Variants in CACNA2D1 observed in about 807,000 individuals in gnomAD.
The protein encoded by CACNA2D1 is voltage-dependent calcium channel subunit alpha-2/delta-1.
In CACNA2D1, 53 loss-of-function variants were observed where a neutral mutation model predicts 171.5. The ratio of observed to expected loss-of-function variants is 0.31; its 90% CI spans 0.25 to 0.39. The LOEUF (loss-of-function observed/expected upper bound fraction) is 0.39. Among genes scored for constraint, CACNA2D1 ranks in the 10% least tolerant of loss-of-function variants. The pLI is 1.00. For missense variants in CACNA2D1, 903 were observed against 1,299.8 expected, an observed-to-expected ratio of 0.69 and a Z score of 4.69; for synonymous variants, 442 against 443.1, an observed-to-expected ratio of 1.00 and a Z score of 0.03.
chr7:81,998,718 T>C (rs1187148186), intron 18 of CACNA2D1, among the ~76,000 whole-genome samples: 3 of 152,102 alleles, frequency 2.0e-5, no homozygotes, highest in Non-Finnish European at 4.4e-5. Flanking sequence ...AAAATAAGTA[T>C]TAAATTTTTC....
rs1264237972 is a variant in CACNA2D1 at position 82,005,508 on chromosome 7, A to G, written c.1516-11T>C. 1.6e-6 allele frequency: 2 copies of G among 1,219,848 alleles called. No homozygotes were observed. The allele number at this position is 1,219,848 out of a possible 1,614,324, so 75.6% of individuals were successfully genotyped here. A position where few individuals can be genotyped will look rare whatever the true frequency, so the allele number is the denominator to read the frequency against. The stretch of plus-strand genomic sequence containing the variant: ...CCCATTGGGGCACAGCTGGAAAAGA[A>G]AAAAAAAAAAAAGCTTGGATATGCC... On this transcript the variant is annotated splice_polypyrimidine_tract_variant and intron_variant, in intron 17 of 38. Coordinates refer to ENST00000356860, the MANE Select transcript of CACNA2D1 (RefSeq NM_000722.4).
intron 10 of CACNA2D1, among the ~76,000 whole-genome samples, chr7:82,057,528 C>A (rs191637779): frequency 2.7e-5 from 4 of 150,870 alleles, no homozygotes; most frequent in African/African-American, 7.3e-5. Flanking sequence ...TAGCTACTAT[C>A]TGAATATGCT....
At chr7:82,334,350 C>T (rs1430100276) in intron 3 of CACNA2D1, among the ~76,000 whole-genome samples, 1 of 152,166 alleles carries the variant, frequency 6.6e-6, no homozygotes, top group African/African-American at 2.4e-5. Context: ...GATATTCTTA[C>T]ACATAAGTAC....
chr7:82,187,538 T>C (rs1242214376), intron 3 of CACNA2D1, among the ~76,000 whole-genome samples: 3 of 146,194 alleles, frequency 2.1e-5, no homozygotes, highest in Non-Finnish European at 3.0e-5. Flanking sequence ...AATAATCACA[T>C]ACATGGATAA....
chr7:82,200,565 T>G (rs1488040469), intron 3 of CACNA2D1, among the ~76,000 whole-genome samples: 1 of 152,190 alleles, frequency 6.6e-6, no homozygotes, highest in African/African-American at 2.4e-5. Context: ...TGTTTTTGAA[T>G]TTATACCATG....
intron 1 of CACNA2D1, among the ~76,000 whole-genome samples, chr7:82,365,938 T>C (rs1009728608): frequency 3.9e-5 from 6 of 152,184 alleles, no homozygotes; most frequent in Admixed American, 6.5e-5. Flanking sequence ...AGGAGGTCTT[T>C]GTTGTTCTCT....
At chr7:82,035,437 A>T (rs17241512) in intron 11 of CACNA2D1, among the ~76,000 whole-genome samples, 4,129 of 152,232 alleles carry the variant, frequency 0.027, 64 homozygotes, top group Non-Finnish European at 0.04. Flanking sequence ...TAACATAAAG[A>T]ATTTCAATAT....
intron 6 of CACNA2D1, among the ~76,000 whole-genome samples, chr7:82,114,287 T>C (rs1788776584): frequency 1.3e-5 from 2 of 152,150 alleles, no homozygotes; most frequent in African/African-American, 4.8e-5. Flanking sequence ...ATAAAGTGAT[T>C]TCAACTCAGT....
In CACNA2D1 at chr7:82,111,426, G is replaced by A. The variant is rs1044910897; in HGVS notation, c.526+5618C>T. Among the ~76,000 whole-genome samples, 193 of 55,704 alleles carry A rather than the reference G, an allele frequency of 3.5e-3. 3 individuals carry two copies. The highest frequency in any genetic ancestry group is 0.018 in the African/African-American group (159 of 8,610). 36.5% of individuals were successfully genotyped at this position (55,704 alleles called of 152,430 possible). A position where few individuals can be genotyped will look rare whatever the true frequency, so the allele number is the denominator to read the frequency against. ...TATATTCATATATGTGTATATATGTGTGTATATATATATATATATTTTTTT... is the reference window on the plus strand; with the variant it reads ...TATATTCATATATGTGTATATATGTATGTATATATATATATATATTTTTTT... On this transcript the variant is annotated intron_variant, in intron 6 of 38. Coordinates refer to ENST00000356860, the MANE Select transcript of CACNA2D1 (RefSeq NM_000722.4).
chr7:82,012,102 A>T, intron 15 of CACNA2D1, 52 bp downstream of exon 15: 1 of 1,053,456 alleles, frequency 9.5e-7, no homozygotes, highest in Non-Finnish European at 1.5e-6. Flanking sequence ...AGTAGAAATC[A>T]TCTGTGTGCT....
chr7:82,273,086 T>G (rs1808850923), intron 3 of CACNA2D1, among the ~76,000 whole-genome samples: 1 of 152,138 alleles, frequency 6.6e-6, no homozygotes, highest in African/African-American at 2.4e-5. Flanking sequence ...TAAAGTTAAA[T>G]AAATAAAATA....
intron 3 of CACNA2D1, among the ~76,000 whole-genome samples, chr7:82,268,819 G>C (rs928226115): frequency 6.6e-6 from 1 of 151,920 alleles, no homozygotes. Context: ...CTGCTAAATA[G>C]CATAAGACAG....
chr7:82,091,272 A>T (rs753503097), intron 6 of CACNA2D1, among the ~76,000 whole-genome samples: 1 of 152,300 alleles, frequency 6.6e-6, no homozygotes, highest in South Asian at 2.1e-4. Flanking sequence ...TCCACCTCGC[A>T]CTGAGGATGG....
chr7:81,989,480 G>A (rs977720590), intron 21 of CACNA2D1, among the ~76,000 whole-genome samples: 32 of 152,238 alleles, frequency 2.1e-4, no homozygotes, highest in Middle Eastern at 3.4e-3. Flanking sequence ...ATTTTTCTCC[G>A]TGAAATGGAA....
At chr7:82,087,621 G>A (rs995167614) in intron 6 of CACNA2D1, among the ~76,000 whole-genome samples, 1 of 151,114 alleles carries the variant, frequency 6.6e-6, no homozygotes, top group Non-Finnish European at 1.5e-5. Context: ...AAGGAAGAAT[G>A]AATACTATTT....
chr7:82,178,579 C>A (rs1796796925), intron 3 of CACNA2D1, among the ~76,000 whole-genome samples: 1 of 152,072 alleles, frequency 6.6e-6, no homozygotes, highest in Admixed American at 6.6e-5. Flanking sequence ...TGGTGTCATT[C>A]CTGAAAATCT....
chr7:82,212,622 T>C (rs894992206), intron 3 of CACNA2D1, among the ~76,000 whole-genome samples: 5 of 152,222 alleles, frequency 3.3e-5, no homozygotes, highest in Non-Finnish European at 7.3e-5. Flanking sequence ...CAGATATGGA[T>C]GCATTTTATG....
At chr7:82,425,285 A>C (rs2129457986) in intron 1 of CACNA2D1, among the ~76,000 whole-genome samples, 1 of 152,282 alleles carries the variant, frequency 6.6e-6, no homozygotes, top group East Asian at 1.9e-4. Context: ...ATAGGGCCTC[A>C]ACAACCACAC....
In CACNA2D1 at chr7:82,379,685, G is replaced by A. The variant is rs114133218; in HGVS notation, c.96-30036C>T. On this transcript the variant is annotated intron_variant, in intron 1 of 38. Transcript: ENST00000356860. ...CTCACTAACTTTTTAAAAACACAAA[G>A]TTCTGTTGATATGTTTTGTTTTAAC... 7.2e-3 allele frequency among the ~76,000 whole-genome samples: 1,090 copies of A among 152,146 alleles called. 17 individuals carry two copies. The highest frequency in any genetic ancestry group is 0.024 in the African/African-American group (1,010 of 41,504).
Sources: allele counts gnomAD v4.1 joint callset (sites outside exome capture counted in the v4.1 genomes callset), GRCh38; gene constraint gnomAD v4.1.1; transcripts MANE v1.5; gene names NCBI Gene and HGNC (gene_info 2026-07-23, HGNC 2026-07-21).